The following EIPR1 variants were observed in gnomAD, a reference collection of about 807,000 sequenced individuals.
EIPR1 encodes the protein EARP complex and GARP complex interacting protein 1.
A neutral mutation model predicts 48.1 loss-of-function variants in EIPR1; 25 were observed. The ratio of observed to expected loss-of-function variants is 0.52; its 90% CI spans 0.38 to 0.73. The LOEUF (loss-of-function observed/expected upper bound fraction) is 0.73, where lower values mean the gene tolerates loss of function less well. Among genes scored for constraint, EIPR1 ranks in the 30% least tolerant of loss-of-function variants. EIPR1 has a pLI of 0.00. For synonymous variants in EIPR1, 204 were observed against 201.9 expected, an observed-to-expected ratio of 1.01 and a Z score of -0.09; for missense variants, 415 against 506.2, an observed-to-expected ratio of 0.82 and a Z score of 1.73.
At chr2:3,246,787 CGGAGGGAGGGAGGGAGGCAG>C (rs1666811910) in intron 4 of EIPR1, among the ~76,000 whole-genome samples, 1 of 51,378 alleles carries the variant, frequency 1.9e-5, no homozygotes. Flanking sequence ...AAGGGAGAAA[CGGAGGGAGGGAGGGAGGCAG>C]GGAGGGAGGG....
rs547872293 is a variant in EIPR1, at chr2:3,250,639, T to C, written c.416+6660A>G. 3.2e-4 allele frequency among the ~76,000 whole-genome samples: 49 copies of C among 152,284 alleles called. 1 individual carries two copies. In the East Asian group the frequency reaches 6.2e-3, roughly 19 times the overall value. Reference sequence around the variant, plus strand: ...GAATGTTAGTCCCCTCCAAATCTCATGTGGAAATGTGATCCCAATGTTGGA... The same window carrying C: ...GAATGTTAGTCCCCTCCAAATCTCACGTGGAAATGTGATCCCAATGTTGGA... On this transcript the variant is annotated intron_variant, in intron 4 of 8. Transcript: ENST00000382125.
intron 5 of EIPR1, among the ~76,000 whole-genome samples, chr2:3,211,251 T>C (rs1665443919): frequency 6.6e-6 from 1 of 151,218 alleles, no homozygotes; most frequent in South Asian, 2.1e-4. Flanking sequence ...GTTCCACGCA[T>C]GAAGTTCTCC....
intron 1 of EIPR1, 108 bp from the exon 2 acceptor site, chr2:3,354,741 T>C (rs1303769689): frequency 8.9e-7 from 1 of 1,122,102 alleles, no homozygotes; most frequent in Non-Finnish European, 1.3e-6. Flanking sequence ...TGATAAAGTA[T>C]AAATTAGTAC....
rs1022409767 is a variant in EIPR1 at position 3,192,397 on chromosome 2, G to T, written c.989+17C>A. ...GCTCTGGTACAGCGTGAGCCACTCT[G>T]CAGTGCGTGCCCTTACTTCTCTTCA... On this transcript the variant is annotated intron_variant, in intron 8 of 8. Transcript: ENST00000382125. The T allele has an allele frequency of 1.9e-6, 3 of 1,593,458 alleles. No homozygotes were observed. The highest frequency in any genetic ancestry group is 2.6e-6 in the Non-Finnish European group (3 of 1,169,634).
intron 3 of EIPR1, among the ~76,000 whole-genome samples, chr2:3,284,038 C>A (rs191984149): frequency 6.6e-6 from 1 of 152,286 alleles, no homozygotes; most frequent in Non-Finnish European, 1.5e-5. Flanking sequence ...AGGCCCAGGG[C>A]TGTCTCCCCA....
chr2:3,189,160 G>T lies in EIPR1; in HGVS notation c.*174C>A. The T allele has an allele frequency of 1.7e-6, 1 of 591,098 alleles. No homozygotes were observed. The highest frequency in any genetic ancestry group is 2.6e-6 in the Non-Finnish European group (1 of 378,244). The allele number at this position is 591,098 out of a possible 1,614,324, so 36.6% of individuals were successfully genotyped here. ...GGGTTCGGGCATTAGCTGTGCCGTC[G>T]ACAATAGCCCCATTCACCCCATTCA... On this transcript the variant is annotated 3_prime_UTR_variant, in exon 9 of 9. Transcript: ENST00000382125. This position sits in a 1 kb window ranked among gnomAD's most constrained non-coding sequence, Gnocchi z 4.6.
chr2:3,260,428 T>C (rs924180695), intron 3 of EIPR1, among the ~76,000 whole-genome samples: 1 of 137,404 alleles, frequency 7.3e-6, no homozygotes, highest in African/African-American at 2.8e-5. Context: ...GGGGTGGAGG[T>C]TGCAGTGAGC....
chr2:3,358,159 C>A (rs910070081), intron 1 of EIPR1, among the ~76,000 whole-genome samples: 1 of 152,144 alleles, frequency 6.6e-6, no homozygotes, highest in African/African-American at 2.4e-5. Flanking sequence ...CCAACTCTTA[C>A]GTGTTCTTTC....
At chr2:3,368,584 T>G (rs1006114845) in intron 1 of EIPR1, among the ~76,000 whole-genome samples, 3 of 152,178 alleles carry the variant, frequency 2.0e-5, no homozygotes, top group African/African-American at 7.2e-5. Flanking sequence ...GTTTGCCACA[T>G]GGAGATTTGA....
intron 4 of EIPR1, among the ~76,000 whole-genome samples, chr2:3,219,129 T>G (rs1484741673): frequency 8.2e-6 from 1 of 121,622 alleles, no homozygotes; most frequent in Admixed American, 8.5e-5. Flanking sequence ...GGCCCTGGTA[T>G]ACTCTAGAGC....
At chr2:3,356,834 G>C (rs1343971293) in intron 1 of EIPR1, among the ~76,000 whole-genome samples, 3 of 152,190 alleles carry the variant, frequency 2.0e-5, no homozygotes, top group Non-Finnish European at 2.9e-5. Context: ...AATTCACCCT[G>C]ACTTCCTAGA....
At chr2:3,281,840 G>T (rs184124526) in intron 3 of EIPR1, among the ~76,000 whole-genome samples, 117 of 152,166 alleles carry the variant, frequency 7.7e-4, no homozygotes, top group African/African-American at 2.6e-3. Context: ...AATTCCTATA[G>T]ATCAGAGAGA....
chr2:3,285,043 G>A (rs1385716999), intron 3 of EIPR1, among the ~76,000 whole-genome samples: 1 of 152,204 alleles, frequency 6.6e-6, no homozygotes, highest in Non-Finnish European at 1.5e-5. Flanking sequence ...TGGAGAAGTG[G>A]TTAAATACAC....
At chr2:3,298,016 T>G (rs1668653599) in intron 3 of EIPR1, among the ~76,000 whole-genome samples, 1 of 152,238 alleles carries the variant, frequency 6.6e-6, no homozygotes, top group Non-Finnish European at 1.5e-5. Context: ...GCCTACTATG[T>G]GCCAGGCACT....
intron 2 of EIPR1, among the ~76,000 whole-genome samples, chr2:3,338,864 C>G (rs1333610066): frequency 6.6e-6 from 1 of 152,024 alleles, no homozygotes; most frequent in Non-Finnish European, 1.5e-5. Context: ...TTACCAATAC[C>G]CAAGTCAATG....
At chr2:3,209,511 G>A (rs1558224570) in intron 5 of EIPR1, among the ~76,000 whole-genome samples, 3 of 152,178 alleles carry the variant, frequency 2.0e-5, no homozygotes, top group South Asian at 2.1e-4. Context: ...GGACCCTGAC[G>A]TCACTGTCAA....
intron 3 of EIPR1, among the ~76,000 whole-genome samples, chr2:3,268,582 T>C (rs115397032): frequency 6.6e-6 from 1 of 152,310 alleles, no homozygotes; most frequent in African/African-American, 2.4e-5. Context: ...TAAACTTCCC[T>C]GTTTAACCTG....
chr2:3,335,468 G>A lies in EIPR1; in HGVS notation c.259+2549C>T, dbSNP rs1283055910. Among the ~76,000 whole-genome samples, 9 of 151,898 alleles carry A rather than the reference G, an allele frequency of 5.9e-5. No individual in the cohort carries two copies. In the East Asian group the frequency reaches 1.7e-3, roughly 29 times the overall value. On this transcript the variant is annotated intron_variant, in intron 3 of 8. Transcript: ENST00000382125. ...CTGAGGCTGGTCCTGCACGAGGGGG[G>A]TTTCCTGGTGGGGGGACAGGGCAAG...
In EIPR1 at chr2:3,274,479, G is replaced by A. The variant is rs927863450; in HGVS notation, c.260-17024C>T. 4 of 1,528,956 alleles carry A rather than the reference G, an allele frequency of 2.6e-6. No homozygotes were observed. The Admixed American group carries it at 6.3e-5, about 24-fold the overall frequency. The allele number at this position is 1,528,956 out of a possible 1,614,324, so 94.7% of individuals were successfully genotyped here. ...GCTAAATACTCAAAAATAAAGGCAT[G>A]TTAAGGTAAATCAAGCCATGAGACC... is the stretch of plus-strand genomic sequence containing the variant. On this transcript the variant is annotated intron_variant, in intron 3 of 8. Transcript: ENST00000382125.
Sources: allele counts gnomAD v4.1 joint callset (sites outside exome capture counted in the v4.1 genomes callset), GRCh38; gene constraint gnomAD v4.1.1; non-coding constraint Gnocchi (gnomAD v3.1); transcripts MANE v1.5; gene names NCBI Gene and HGNC (gene_info 2026-07-23, HGNC 2026-07-21).